P3H2: variants seen among roughly 807,000 people sequenced by gnomAD.
The protein encoded by P3H2 is leprecan-like 1.
P3H2 carries 80 observed loss-of-function variants against 87.0 expected under a neutral mutation model. The ratio of observed to expected loss-of-function variants is 0.92; its 90% CI spans 0.77 to 1.11. P3H2 has a LOEUF of 1.11. Among genes scored for constraint, P3H2 ranks in the 50% least tolerant of loss-of-function variants. P3H2 has a pLI of 0.00. For synonymous variants in P3H2, 367 were observed against 359.3 expected, an observed-to-expected ratio of 1.02 and a Z score of -0.24; for missense variants, 1,001 against 923.9, an observed-to-expected ratio of 1.08 and a Z score of -1.08.
At chr3:189,994,011 A>G in intron 3 of P3H2, 83 bp downstream of exon 3, 1 of 1,025,292 alleles carries the variant, frequency 9.8e-7, no homozygotes. Flanking sequence ...ATATTCTTCT[A>G]TTTTGCTGGA....
At chr3:190,075,626 A>G (rs143750991) in intron 1 of P3H2, among the ~76,000 whole-genome samples, 133 of 152,334 alleles carry the variant, frequency 8.7e-4, no homozygotes, top group Non-Finnish European at 1.3e-3. Context: ...GCTTCCCAAA[A>G]TATATGGCAC....
chr3:189,966,701 CA>C lies in P3H2; in HGVS notation c.1894-2604del, dbSNP rs776753380. On this transcript the variant is annotated intron_variant, in intron 13 of 14. Coordinates refer to ENST00000319332, the MANE Select transcript of P3H2 (RefSeq NM_018192.4). Reference sequence around the variant, plus strand: ...AATTTTTCATGAAACAAATGGAACTCATTAAATTTTATCTTCTTTGAACCTG... The same window carrying C: ...AATTTTTCATGAAACAAATGGAACTCTTAAATTTTATCTTCTTTGAACCTG... Among the ~76,000 whole-genome samples the C allele has an allele frequency of 3.0e-3, 458 of 152,318 alleles. 2 individuals are homozygous for C. The highest frequency in any genetic ancestry group is 0.018 in the South Asian group (86 of 4,824).
At chr3:190,102,782 G>A (rs1577325089) in intron 1 of P3H2, among the ~76,000 whole-genome samples, 1 of 152,202 alleles carries the variant, frequency 6.6e-6, no homozygotes, top group African/African-American at 2.4e-5. Flanking sequence ...CTATCAAACA[G>A]CACAGTATGC....
intron 1 of P3H2, among the ~76,000 whole-genome samples, chr3:190,117,723 G>C (rs1712348560): frequency 6.7e-6 from 1 of 149,606 alleles, no homozygotes; most frequent in Non-Finnish European, 1.5e-5. Context: ...GCCAAGCAAA[G>C]GCTAAAACTG....
intron 1 of P3H2, among the ~76,000 whole-genome samples, chr3:190,109,357 A>G (rs1711977356): frequency 6.6e-6 from 1 of 151,810 alleles, no homozygotes; most frequent in Admixed American, 6.6e-5. Context: ...CCCACTTCCC[A>G]GCCTTCTGTG....
At chr3:189,983,683 C>T (rs183144065) in intron 7 of P3H2, among the ~76,000 whole-genome samples, 47 of 152,186 alleles carry the variant, frequency 3.1e-4, no homozygotes, top group Admixed American at 1.0e-3. Context: ...AATTTTATGC[C>T]ACCCAAGGGT....
At position 189,969,476 on chromosome 3, in the gene P3H2, T is replaced by C. The variant is rs112668838; in HGVS notation, c.1893+1340A>G. ...ATGGCACACTCCTCTAGCACAACAA[T>C]GACTTCCATCATAGAGGGACTGAGG... is the stretch of plus-strand genomic sequence containing the variant. On this transcript the variant is annotated intron_variant, in intron 13 of 14. Transcript: ENST00000319332. 2,185 of 927,858 alleles carry C rather than the reference T, an allele frequency of 2.4e-3. 32 individuals carry two copies. In the African/African-American group the frequency reaches 0.031, roughly 13 times the overall value. 57.5% of individuals were successfully genotyped at this position (927,858 alleles called of 1,614,324 possible). A position where few individuals can be genotyped will look rare whatever the true frequency, so the allele number is the denominator to read the frequency against.
intron 1 of P3H2, among the ~76,000 whole-genome samples, chr3:190,058,459 T>C (rs1043754385): frequency 6.6e-6 from 1 of 152,126 alleles, no homozygotes; most frequent in Non-Finnish European, 1.5e-5. Context: ...TTGTGAAGTT[T>C]CAAATATGGG....
chr3:190,047,031 G>A (rs1300844901), intron 1 of P3H2, among the ~76,000 whole-genome samples: 5 of 76,126 alleles, frequency 6.6e-5, no homozygotes, highest in Middle Eastern at 6.8e-3. Flanking sequence ...AAACTCAATA[G>A]CAAACAAAAC....
chr3:189,995,121 T>C lies in P3H2; in HGVS notation c.633+169A>G, dbSNP rs1724010152. Among the ~76,000 whole-genome samples, 5 of 152,276 alleles carry C rather than the reference T, an allele frequency of 3.3e-5. No individual in the cohort carries two copies. In the South Asian group the frequency reaches 1.0e-3, roughly 32 times the overall value. On this transcript the variant is annotated intron_variant, in intron 2 of 14. Coordinates refer to ENST00000319332, the MANE Select transcript of P3H2 (RefSeq NM_018192.4). ...AATTAAAATTTTAAAAAACCTCAAT[T>C]TTTTCAGACCTGATCATTATATTCT...
At chr3:189,973,383 T>C (rs1298930707) in intron 10 of P3H2, among the ~76,000 whole-genome samples, 1 of 152,158 alleles carries the variant, frequency 6.6e-6, no homozygotes. Context: ...TCAGGAAATG[T>C]AAAGTTTGAT....
chr3:190,087,331 T>G (rs930625338), intron 1 of P3H2, among the ~76,000 whole-genome samples: 27 of 151,782 alleles, frequency 1.8e-4, no homozygotes, highest in African/African-American at 6.5e-4. Flanking sequence ...GGTCAGGAGA[T>G]CGAGACCATC....
chr3:190,095,628 T>C (rs1274962570), intron 1 of P3H2, among the ~76,000 whole-genome samples: 1 of 144,128 alleles, frequency 6.9e-6, no homozygotes, highest in Admixed American at 7.1e-5. Context: ...TAAAACGGAG[T>C]CTCGCTCTGT....
chr3:190,050,981 T>C (rs1333702688), intron 1 of P3H2, among the ~76,000 whole-genome samples: 1 of 152,202 alleles, frequency 6.6e-6, no homozygotes, highest in Non-Finnish European at 1.5e-5. Flanking sequence ...TACTGTCAAA[T>C]GCCTTCTGAA....
intron 1 of P3H2, among the ~76,000 whole-genome samples, chr3:190,087,635 G>A (rs1727268638): frequency 6.6e-6 from 1 of 151,732 alleles, no homozygotes; most frequent in Non-Finnish European, 1.5e-5. Context: ...ATGCATTATG[G>A]GAAGTCAGTA....
Position 189,973,154 on chromosome 3 carries a change from A to C in P3H2, c.1549-130T>G. 3 of 780,312 alleles carry C rather than the reference A, an allele frequency of 3.8e-6. No individual in the cohort carries two copies. The South Asian group carries it at 5.4e-5, about 14-fold the overall frequency. 48.3% of individuals were successfully genotyped at this position (780,312 alleles called of 1,614,324 possible). A position where few individuals can be genotyped will look rare whatever the true frequency, so the allele number is the denominator to read the frequency against. ...ATTGACTAATGGGGAAGGCTACTAC[A>C]TATTTGTGGATTTCGGTTAGGACAT... is the stretch of plus-strand genomic sequence containing the variant. On this transcript the variant is annotated intron_variant, in intron 10 of 14. Transcript: ENST00000319332.
intron 1 of P3H2, among the ~76,000 whole-genome samples, chr3:190,004,530 C>G (rs1321521138): frequency 6.6e-5 from 10 of 151,884 alleles, no homozygotes; most frequent in Admixed American, 4.6e-4. Context: ...CTACAGGCGC[C>G]CGCCTCCACG....
At chr3:189,985,972 T>C (rs760615261) in intron 6 of P3H2, among the ~76,000 whole-genome samples, 49 of 152,288 alleles carry the variant, frequency 3.2e-4, no homozygotes, top group Middle Eastern at 3.4e-3. Flanking sequence ...CAAATCTCTT[T>C]ATACCATAGT....
chr3:190,051,770 G>T (rs1011918267), intron 1 of P3H2, among the ~76,000 whole-genome samples: 1 of 152,208 alleles, frequency 6.6e-6, no homozygotes, highest in African/African-American at 2.4e-5. Flanking sequence ...TTGCAGCTGG[G>T]TTAGGATCCC....
Sources: allele counts gnomAD v4.1 joint callset (sites outside exome capture counted in the v4.1 genomes callset), GRCh38; gene constraint gnomAD v4.1.1; transcripts MANE v1.5; gene names NCBI Gene and HGNC (gene_info 2026-07-23, HGNC 2026-07-21).